Variants in GALNT17 observed in about 807,000 individuals in gnomAD.
GALNT17 encodes the protein polypeptide N-acetylgalactosaminyltransferase 17, also known as UDP-GalNAc:polypeptide N-acetylgalactosaminyltransferase-like 3.
GALNT17 carries 29 observed loss-of-function variants against 63.7 expected under a neutral mutation model. That is an observed-to-expected ratio of 0.46 (90% CI 0.34 to 0.62). The LOEUF is 0.62. Ranked by LOEUF, GALNT17 falls within the 20% of genes least tolerant of loss-of-function variation. The pLI is 0.01. For synonymous variants in GALNT17, 305 were observed against 318.3 expected, an observed-to-expected ratio of 0.96 and a Z score of 0.45; for missense variants, 603 against 799.6, an observed-to-expected ratio of 0.75 and a Z score of 2.97.
intron 1 of GALNT17, among the ~76,000 whole-genome samples, chr7:71,162,070 T>G (rs1788352546): frequency 8.4e-6 from 1 of 118,490 alleles, no homozygotes; most frequent in Non-Finnish European, 1.7e-5. Context: ...CCTTCCTTCC[T>G]TCCTTCCTTC....
chr7:71,687,888 G>T (rs117093490), intron 9 of GALNT17, among the ~76,000 whole-genome samples: 1 of 152,108 alleles, frequency 6.6e-6, no homozygotes, highest in East Asian at 1.9e-4. Flanking sequence ...TGTACAGATG[G>T]GGTCTTGCTG....
At chr7:71,353,530 T>C (rs1180699843) in intron 2 of GALNT17, among the ~76,000 whole-genome samples, 1 of 152,230 alleles carries the variant, frequency 6.6e-6, no homozygotes, top group Non-Finnish European at 1.5e-5. Flanking sequence ...GACATTGACA[T>C]TTTTGAAGAT....
intron 1 of GALNT17, among the ~76,000 whole-genome samples, chr7:71,180,491 A>T (rs1255245838): frequency 2.0e-5 from 3 of 152,166 alleles, no homozygotes; most frequent in Admixed American, 1.3e-4. Context: ...AGGCTCCTTC[A>T]CGTTGACCTC....
At chr7:71,362,977 T>TTTC (rs1467417948) in intron 2 of GALNT17, among the ~76,000 whole-genome samples, 104 of 150,714 alleles carry the variant, frequency 6.9e-4, no homozygotes, top group Admixed American at 1.8e-3. Flanking sequence ...TTCTTTCTTT[T>TTTC]TTTTTTTGAG....
Position 71,540,461 on chromosome 7 carries a change from G to C in GALNT17, c.963-30824G>C, listed in dbSNP as rs1030496264. 2.0e-4 allele frequency among the ~76,000 whole-genome samples: 31 copies of C among 151,934 alleles called. 2 individuals are homozygous for C. ...AGTTAAATGTCATTTCGTTCATCTA[G>C]TAAACAACTATGTAGTAAGCACCTA... On this transcript the variant is annotated intron_variant, in intron 5 of 10. Transcript: ENST00000333538.
chr7:71,415,927 C>T lies in GALNT17; in HGVS notation c.628C>T (p.Arg210Cys), dbSNP rs375459614. The change falls in exon 4 of 11, where the codon CGC becomes TGC. Residue 210 changes from arginine to cysteine, a missense_variant. By Grantham distance (180) the Arg-to-Cys change is radical (BLOSUM62 -3). This residue lies in a region of GALNT17 where 336 missense variants were observed against 507.8 expected (regional missense o/e 0.66). Coordinates refer to ENST00000333538, the MANE Select transcript of GALNT17 (RefSeq NM_022479.3). Reference protein sequence around the residue: ...KVPLEEYVHKRYPGLVKVVRN... With the variant: ...KVPLEEYVHKCYPGLVKVVRN... Reference sequence around the variant, plus strand: ...CCCCCTAGAGGAGTATGTCCACAAACGCTACCCCGGGCTGGTGAAGGTGGT... The same window carrying T: ...CCCCCTAGAGGAGTATGTCCACAAATGCTACCCCGGGCTGGTGAAGGTGGT... 4.3e-6 allele frequency: 7 copies of T among 1,612,862 alleles called. No individual in the cohort carries two copies. The highest frequency in any genetic ancestry group is 2.7e-5 in the African/African-American group (2 of 74,892).
Position 71,259,640 on chromosome 7 carries a change from T to TTTTTG in GALNT17, c.239-75906_239-75905insGTTTT, listed in dbSNP as rs1345099920. Among the ~76,000 whole-genome samples, 25 of 146,364 alleles carry TTTTTG rather than the reference T, an allele frequency of 1.7e-4. No individual in the cohort carries two copies. The East Asian group carries it at 2.4e-3, about 14-fold the overall frequency. On this transcript the variant is annotated intron_variant, in intron 1 of 10. Coordinates refer to ENST00000333538, the MANE Select transcript of GALNT17 (RefSeq NM_022479.3). ...ATCTTGGTCCTGTTTTGTTTTTTGTTTTTTTGTTTTTTTTTTTTTGAGACG... is the reference window on the plus strand; with the variant it reads ...ATCTTGGTCCTGTTTTGTTTTTTGTTTTTTGTTTTTGTTTTTTTTTTTTTGAGACG...
intron 1 of GALNT17, among the ~76,000 whole-genome samples, chr7:71,301,106 A>C (rs1440006136): frequency 1.3e-5 from 2 of 151,216 alleles, no homozygotes; most frequent in African/African-American, 4.9e-5. Flanking sequence ...TGGGCAACAT[A>C]ACAAGACCTT....
chr7:71,596,083 A>G (rs938077740), intron 6 of GALNT17, among the ~76,000 whole-genome samples: 2 of 152,112 alleles, frequency 1.3e-5, no homozygotes, highest in Admixed American at 6.6e-5. Flanking sequence ...TTGTCACCCA[A>G]GCTGGAGTGC....
At chr7:71,649,482 C>T (rs920937910) in intron 6 of GALNT17, among the ~76,000 whole-genome samples, 1 of 151,990 alleles carries the variant, frequency 6.6e-6, no homozygotes, top group Non-Finnish European at 1.5e-5. Flanking sequence ...TGTGGGGATT[C>T]CTGACTGGTT....
intron 6 of GALNT17, among the ~76,000 whole-genome samples, chr7:71,627,462 G>A (rs1790390619): frequency 6.6e-6 from 1 of 152,158 alleles, no homozygotes; most frequent in Non-Finnish European, 1.5e-5. Flanking sequence ...CTTTCCAGAT[G>A]ACCTTCAGAG....
Position 71,562,353 on chromosome 7 carries a change from A to G in GALNT17, c.963-8932A>G, listed in dbSNP as rs1309684140. ...ACAGCCTCACTCATTGATGTACAAC[A>G]CAGGGACACAAGCCTTCAACCAGAA... On this transcript the variant is annotated intron_variant, in intron 5 of 10. Transcript: ENST00000333538. Among the ~76,000 whole-genome samples the G allele has an allele frequency of 2.0e-5, 3 of 152,144 alleles. No homozygotes were observed. The East Asian group carries it at 5.8e-4, about 29-fold the overall frequency.
intron 5 of GALNT17, among the ~76,000 whole-genome samples, chr7:71,506,135 T>C (rs1409036381): frequency 1.3e-5 from 2 of 152,210 alleles, no homozygotes; most frequent in African/African-American, 4.8e-5. Context: ...TGTAACAAAA[T>C]ATCACTAGGA....
chr7:71,477,575 A>G (rs1787745662), intron 5 of GALNT17, among the ~76,000 whole-genome samples: 1 of 152,282 alleles, frequency 6.6e-6, no homozygotes, highest in Admixed American at 6.5e-5. Context: ...AGTGACTGGC[A>G]CCTACAGTCT....
chr7:71,261,622 C>T (rs557034256), intron 1 of GALNT17, among the ~76,000 whole-genome samples: 1 of 152,192 alleles, frequency 6.6e-6, no homozygotes, highest in South Asian at 2.1e-4. Context: ...AAATGGAGAC[C>T]CTGGAAGGTT....
intron 2 of GALNT17, among the ~76,000 whole-genome samples, chr7:71,367,184 A>T (rs1792528451): frequency 6.6e-6 from 1 of 152,200 alleles, no homozygotes; most frequent in African/African-American, 2.4e-5. Flanking sequence ...CACTGCCGTA[A>T]TCTTATCCAT....
intron 9 of GALNT17, among the ~76,000 whole-genome samples, chr7:71,689,009 A>T (rs1220496231): frequency 6.6e-6 from 1 of 152,000 alleles, no homozygotes; most frequent in Non-Finnish European, 1.5e-5. Flanking sequence ...AAACTTTTTC[A>T]TTAGTATTGT....
At chr7:71,373,158 G>C (rs555083752) in intron 2 of GALNT17, among the ~76,000 whole-genome samples, 5 of 152,198 alleles carry the variant, frequency 3.3e-5, no homozygotes, top group Admixed American at 6.5e-5. Flanking sequence ...GCTGGATTCA[G>C]TCAGGCTCTT....
intron 6 of GALNT17, among the ~76,000 whole-genome samples, chr7:71,663,791 T>C (rs1053667903): frequency 6.6e-6 from 1 of 151,998 alleles, no homozygotes; most frequent in Non-Finnish European, 1.5e-5. Context: ...CACTCAAGAG[T>C]GTCCCAGTAT....
Sources: gnomAD v4.1 joint callset for allele counts (sites outside exome capture counted in the v4.1 genomes callset) on GRCh38, gnomAD v4.1.1 for gene constraint, gnomAD v4.1.1 regional missense constraint, MANE v1.5 for transcripts, NCBI Gene and HGNC (gene_info 2026-07-23, HGNC 2026-07-21) for gene names.